The following SORCS1 variants were observed in gnomAD, a reference collection of about 807,000 sequenced individuals.
SORCS1 encodes the protein VPS10 domain-containing receptor SorCS1.
A neutral mutation model predicts 146.1 loss-of-function variants in SORCS1; 60 were observed. The observed-to-expected ratio is 0.41, with a 90% CI of 0.33 to 0.51. The LOEUF (loss-of-function observed/expected upper bound fraction) is 0.51. Among genes scored for constraint, SORCS1 ranks in the 20% least tolerant of loss-of-function variants. SORCS1 has a pLI of 0.21. For synonymous variants in SORCS1, 637 were observed against 584.0 expected, an observed-to-expected ratio of 1.09 and a Z score of -1.31; for missense variants, 1,352 against 1,487.6, an observed-to-expected ratio of 0.91 and a Z score of 1.50.
At chr10:106,647,075 C>A (rs1849506618) in intron 18 of SORCS1, among the ~76,000 whole-genome samples, 1 of 144,392 alleles carries the variant, frequency 6.9e-6, no homozygotes, top group Non-Finnish European at 1.5e-5. Context: ...TGTGAGTCAC[C>A]TTCAAAAGTA....
At chr10:106,972,549 G>A (rs552136764) in intron 1 of SORCS1, among the ~76,000 whole-genome samples, 23 of 146,838 alleles carry the variant, frequency 1.6e-4, no homozygotes, top group South Asian at 4.3e-4. Flanking sequence ...TTTTTTGGCC[G>A]TAAAGTTTGA....
intron 1 of SORCS1, among the ~76,000 whole-genome samples, chr10:107,017,699 A>G (rs1198197839): frequency 1.3e-5 from 2 of 152,246 alleles, no homozygotes; most frequent in Non-Finnish European, 2.9e-5. Context: ...TCTGTCACCC[A>G]GGCTGGAGTG....
At chr10:106,622,154 G>A (rs1159538341) in intron 19 of SORCS1, among the ~76,000 whole-genome samples, 1 of 151,894 alleles carries the variant, frequency 6.6e-6, no homozygotes. Context: ...GCTGGGCATG[G>A]TGGCATGCAC....
chr10:106,802,061 T>C (rs1366732669), intron 3 of SORCS1, among the ~76,000 whole-genome samples: 4 of 152,222 alleles, frequency 2.6e-5, no homozygotes, highest in Admixed American at 2.6e-4. Flanking sequence ...AGGAGGGATA[T>C]ACATGTCTAA....
intron 1 of SORCS1, among the ~76,000 whole-genome samples, chr10:107,088,241 C>T (rs908761764): frequency 1.3e-5 from 2 of 152,038 alleles, no homozygotes; most frequent in Non-Finnish European, 2.9e-5. Flanking sequence ...CCACCCTTTC[C>T]CCTGAATACT....
In SORCS1 at chr10:106,672,979, A is replaced by C; in HGVS notation, c.1947T>G (p.Phe649Leu). The change falls in exon 15 of 26, where the codon TTT becomes TTG. Residue 649 changes from phenylalanine to leucine, a missense_variant. Physicochemically the swap from Phe to Leu is conservative, Grantham distance 22. Coordinates refer to ENST00000263054, the MANE Select transcript of SORCS1 (RefSeq NM_052918.5). ...ATTCAGAGCGGTGGCTGAAGTGTCC[A>C]AACACTCTACAGAGTTCATGGTGAT... is the stretch of plus-strand genomic sequence containing the variant. ...PGEETLIMTVFGHFSHRSEWQ... is the reference protein window; with the variant it reads ...PGEETLIMTVLGHFSHRSEWQ... The C allele has an allele frequency of 6.2e-7, 1 of 1,613,304 alleles. No homozygotes were observed. Among genetic ancestry groups the C allele is most frequent in the Non-Finnish European group, 8.5e-7 (1 of 1,179,286 alleles).
chr10:107,165,862 G>A (rs1332065509), upstream of SORCS1, among the ~76,000 whole-genome samples: 1 of 152,152 alleles, frequency 6.6e-6, no homozygotes, highest in East Asian at 1.9e-4. This position sits in a 1 kb window ranked among gnomAD's most constrained non-coding sequence, Gnocchi z 4.0. Flanking sequence ...CACATTAGAT[G>A]ACCTTTAAAA....
chr10:107,088,214 T>C (rs1795385278), intron 1 of SORCS1, among the ~76,000 whole-genome samples: 1 of 152,056 alleles, frequency 6.6e-6, no homozygotes, highest in African/African-American at 2.4e-5. Context: ...AAAGGCTTGA[T>C]TTTGTTGTTG....
intron 1 of SORCS1, among the ~76,000 whole-genome samples, chr10:106,964,458 T>C (rs2139105923): frequency 7.2e-6 from 1 of 138,122 alleles, no homozygotes; most frequent in East Asian, 2.2e-4. Context: ...CACACACCAC[T>C]ATGCCTGGCT....
chr10:106,844,651 T>C (rs1447470910), intron 2 of SORCS1, among the ~76,000 whole-genome samples: 1 of 150,502 alleles, frequency 6.6e-6, no homozygotes, highest in Non-Finnish European at 1.5e-5. Flanking sequence ...TACATATGTA[T>C]ACATGTGCCA....
intron 6 of SORCS1, among the ~76,000 whole-genome samples, chr10:106,721,245 AG>A (rs1190716856): frequency 6.6e-6 from 1 of 152,122 alleles, no homozygotes; most frequent in African/African-American, 2.4e-5. Flanking sequence ...ACCTCTTCCA[AG>A]GTCTACCTTG....
At chr10:106,902,000 C>T (rs887801145) in intron 2 of SORCS1, among the ~76,000 whole-genome samples, 16 of 151,482 alleles carry the variant, frequency 1.1e-4, no homozygotes, top group African/African-American at 3.4e-4. Context: ...GCAGAGATTG[C>T]GCCACTGCAC....
At chr10:106,786,000 C>G (rs1379762564) in intron 3 of SORCS1, among the ~76,000 whole-genome samples, 1 of 152,194 alleles carries the variant, frequency 6.6e-6, no homozygotes, top group Non-Finnish European at 1.5e-5. Flanking sequence ...CTGCTTTCCT[C>G]TCTCTTTTTG....
chr10:106,974,450 T>C (rs1397959198), intron 1 of SORCS1, among the ~76,000 whole-genome samples: 2 of 152,026 alleles, frequency 1.3e-5, no homozygotes, highest in East Asian at 1.9e-4. Flanking sequence ...CCAGTGATGT[T>C]TGGGTGGAGA....
intron 2 of SORCS1, among the ~76,000 whole-genome samples, chr10:106,843,207 C>A (rs765258497): frequency 1.3e-5 from 2 of 152,046 alleles, no homozygotes; most frequent in Non-Finnish European, 2.9e-5. Context: ...ACTTATTCAT[C>A]CAATAGTGAA....
At chr10:106,690,826 ATTCACTGTTCC>A (rs1853242426) in intron 9 of SORCS1, among the ~76,000 whole-genome samples, 1 of 152,012 alleles carries the variant, frequency 6.6e-6, no homozygotes, top group African/African-American at 2.4e-5. Flanking sequence ...TTTTTGTGCT[ATTCACTGTTCC>A]TTTCACTCTG....
chr10:106,889,663 G>T (rs950851302), intron 2 of SORCS1, among the ~76,000 whole-genome samples: 9 of 151,952 alleles, frequency 5.9e-5, no homozygotes, highest in Admixed American at 6.6e-5. Context: ...ACTTTGGGAG[G>T]CCAAGGCAGG....
chr10:106,690,608 G>A (rs1245336376), intron 9 of SORCS1, among the ~76,000 whole-genome samples: 1 of 152,152 alleles, frequency 6.6e-6, no homozygotes, highest in Non-Finnish European at 1.5e-5. Flanking sequence ...CTGGCAGCTT[G>A]GCCTTCAGGT....
Position 107,164,242 on chromosome 10 carries a change from A to G in SORCS1, c.285T>C (p.Thr95=), listed in dbSNP as rs1326082959. The part of the protein sequence containing the change: ...RALSLERARG[T]GASMAVAARS... ...GTGCAGCAACCGCCATGGATGCCCC[A>G]GTGCCCCGAGCCCGCTCCAGGGATA... The change falls in exon 1 of 26, where the codon ACT becomes ACC. Residue 95 remains threonine (T), a synonymous_variant. Transcript: ENST00000263054. The surrounding 1 kb of genome is among the most constrained non-coding windows in gnomAD (Gnocchi z 6.8). The G allele has an allele frequency of 6.2e-7, 1 of 1,606,624 alleles. No individual in the cohort carries two copies. The highest frequency in any genetic ancestry group is 1.3e-5 in the African/African-American group (1 of 74,866).
Sources: gnomAD v4.1 joint callset for allele counts (sites outside exome capture counted in the v4.1 genomes callset) on GRCh38, gnomAD v4.1.1 for gene constraint, Gnocchi (gnomAD v3.1) non-coding constraint, MANE v1.5 for transcripts, NCBI Gene and HGNC (gene_info 2026-07-23, HGNC 2026-07-21) for gene names.